Variants in DSCAM observed in about 807,000 individuals in gnomAD.
The protein encoded by DSCAM is cell adhesion molecule DSCAM.
In DSCAM, 47 loss-of-function variants were observed where a neutral mutation model predicts 217.7. The observed-to-expected ratio is 0.22, with a 90% CI of 0.17 to 0.28. The LOEUF is 0.28. Ranked by LOEUF, DSCAM falls within the 10% of genes least tolerant of loss-of-function variation. The probability of loss-of-function intolerance (pLI) is 1.00; values close to 1 mark genes in which losing one functional copy is unlikely to be tolerated. For missense variants in DSCAM, 2,080 were observed against 2,618.3 expected (o/e 0.79, Z 4.49); for synonymous variants, 1,056 against 1,015.3 (o/e 1.04, Z -0.76).
intron 1 of DSCAM, among the ~76,000 whole-genome samples, chr21:40,792,137 CTTTTTTTT>C (rs67838146): frequency 8.4e-6 from 1 of 118,606 alleles, no homozygotes; most frequent in African/African-American, 3.7e-5. Flanking sequence ...TCTTCTTCTT[CTTTTTTTT>C]TTTTTTTTTT....
chr21:40,393,134 A>G (rs972649879), intron 3 of DSCAM, among the ~76,000 whole-genome samples: 8 of 152,174 alleles, frequency 5.3e-5, no homozygotes, highest in African/African-American at 1.9e-4. Context: ...AAAGATTTAG[A>G]ATGCCCTCAA....
rs759961978 is a variant in DSCAM, at chr21:40,042,513, C to G, written c.5544G>C (p.Thr1848=). The G allele has an allele frequency of 2.5e-6, 4 of 1,614,200 alleles. No individual in the cohort carries two copies. Among genetic ancestry groups the G allele is most frequent in the Non-Finnish European group, 3.4e-6 (4 of 1,180,028 alleles). The change falls in exon 32 of 33, where the codon ACG becomes ACC. Residue 1848 remains threonine, a synonymous_variant. Coordinates refer to ENST00000400454, the MANE Select transcript of DSCAM (RefSeq NM_001389.5). ...TGTCCGTGTACTCATTTGTCCCTGCCGTCAACTGCTCCGATGACGTGTCTG... is the reference window on the plus strand; with the variant it reads ...TGTCCGTGTACTCATTTGTCCCTGCGGTCAACTGCTCCGATGACGTGTCTG... ...FISDTSSEQL[T]AGTNEYTDSL...
At chr21:40,620,109 AAG>A (rs1277925642) in intron 3 of DSCAM, among the ~76,000 whole-genome samples, 3 of 121,488 alleles carry the variant, frequency 2.5e-5, no homozygotes, top group African/African-American at 1.1e-4. Context: ...AGAGAGAAAA[AAG>A]AAAAAGAAAG....
chr21:40,213,711 G>T (rs1050891766), intron 11 of DSCAM, among the ~76,000 whole-genome samples: 1 of 152,188 alleles, frequency 6.6e-6, no homozygotes, highest in African/African-American at 2.4e-5. Context: ...GCCAGGGATG[G>T]AGGGGTTCCT....
intron 8 of DSCAM, among the ~76,000 whole-genome samples, chr21:40,320,586 A>G (rs1601548317): frequency 6.6e-6 from 1 of 152,314 alleles, no homozygotes; most frequent in Non-Finnish European, 1.5e-5. Context: ...TTTACAAAAG[A>G]AAGAGTTTAA....
intron 3 of DSCAM, among the ~76,000 whole-genome samples, chr21:40,420,391 T>G (rs1048365873): frequency 6.6e-6 from 1 of 152,182 alleles, no homozygotes; most frequent in Non-Finnish European, 1.5e-5. Context: ...AAAATCAGAA[T>G]GCCTGGTATT....
chr21:40,019,388 G>C (rs1011442835), intron 32 of DSCAM, among the ~76,000 whole-genome samples: 36 of 152,216 alleles, frequency 2.4e-4, no homozygotes, highest in African/African-American at 7.0e-4. Context: ...TTATCTGACA[G>C]GTCTAGATCT....
intron 20 of DSCAM, among the ~76,000 whole-genome samples, chr21:40,109,366 C>T (rs967291873): frequency 1.3e-5 from 2 of 152,186 alleles, no homozygotes; most frequent in Admixed American, 6.5e-5. Context: ...CAAAAGAGAA[C>T]CTACATGCAG....
rs1194110559 is a variant in DSCAM, at chr21:40,068,928, A to T, written c.4889-6029T>A. ...TGGAGAAACCCCGTCTCTACTAAAA[A>T]TACAAAATTAGCCGGGCATGGTGGT... On this transcript the variant is annotated intron_variant, in intron 27 of 32. Transcript: ENST00000400454. Among the ~76,000 whole-genome samples, 3 of 152,016 alleles carry T rather than the reference A, an allele frequency of 2.0e-5. No individual in the cohort carries two copies. The East Asian group carries it at 5.8e-4, about 29-fold the overall frequency.
intron 3 of DSCAM, among the ~76,000 whole-genome samples, chr21:40,493,709 A>G (rs2146018264): frequency 6.6e-6 from 1 of 151,032 alleles, no homozygotes; most frequent in Non-Finnish European, 1.5e-5. Context: ...TAAAAATACA[A>G]AAAATTAGCT....
chr21:40,666,692 G>A (rs2090204814), intron 3 of DSCAM, among the ~76,000 whole-genome samples: 1 of 152,214 alleles, frequency 6.6e-6, no homozygotes, highest in African/African-American at 2.4e-5. Flanking sequence ...ACTCACACCT[G>A]GCCACTGCTT....
At chr21:40,570,435 G>T (rs1468263460) in intron 3 of DSCAM, among the ~76,000 whole-genome samples, 1 of 152,216 alleles carries the variant, frequency 6.6e-6, no homozygotes, top group Non-Finnish European at 1.5e-5. Flanking sequence ...TGTCCTTCCT[G>T]CAAGGGCAAG....
At chr21:40,838,162 TC>T (rs1421908301) in intron 1 of DSCAM, among the ~76,000 whole-genome samples, 1 of 152,254 alleles carries the variant, frequency 6.6e-6, no homozygotes, top group East Asian at 1.9e-4. Flanking sequence ...TTGCAGCAGT[TC>T]TAATTATCTT....
chr21:40,420,943 C>T (rs533972921), intron 3 of DSCAM, among the ~76,000 whole-genome samples: 1 of 152,274 alleles, frequency 6.6e-6, no homozygotes, highest in Admixed American at 6.5e-5. Context: ...ATTTCTTTCG[C>T]TGTAAGCCAC....
intron 11 of DSCAM, among the ~76,000 whole-genome samples, chr21:40,192,483 G>A (rs1475771259): frequency 6.6e-6 from 1 of 152,166 alleles, no homozygotes; most frequent in African/African-American, 2.4e-5. Flanking sequence ...AGAAGCATAT[G>A]TTTGCTTCCC....
chr21:40,264,937 G>A (rs977534575), intron 11 of DSCAM, among the ~76,000 whole-genome samples: 1 of 137,868 alleles, frequency 7.3e-6, no homozygotes, highest in Non-Finnish European at 1.5e-5. Context: ...GGTGGCTCAC[G>A]CCTGACTTTG....
intron 3 of DSCAM, among the ~76,000 whole-genome samples, chr21:40,590,373 G>T (rs2076975533): frequency 6.6e-6 from 1 of 152,220 alleles, no homozygotes; most frequent in African/African-American, 2.4e-5. Context: ...TGGAGCCCCT[G>T]CAGGGGTTCT....
At chr21:40,049,269 C>T (rs1373390779) in intron 30 of DSCAM, among the ~76,000 whole-genome samples, 1 of 152,200 alleles carries the variant, frequency 6.6e-6, no homozygotes, top group African/African-American at 2.4e-5. Context: ...AAGATGAGGA[C>T]AGCTGTTTCT....
At chr21:40,109,169 A>C (rs2089862050) in intron 20 of DSCAM, among the ~76,000 whole-genome samples, 1 of 152,266 alleles carries the variant, frequency 6.6e-6, no homozygotes, top group Non-Finnish European at 1.5e-5. Flanking sequence ...AGTAAATGAA[A>C]GAGCTTCTGT....
Sources: gnomAD v4.1 joint callset for allele counts (sites outside exome capture counted in the v4.1 genomes callset) on GRCh38, gnomAD v4.1.1 for gene constraint, MANE v1.5 for transcripts, NCBI Gene and HGNC (gene_info 2026-07-23, HGNC 2026-07-21) for gene names.